Variants in TRIQK observed in about 807,000 individuals in gnomAD.
TRIQK encodes the protein triple QxxK/R motif-containing protein.
In TRIQK, 10 loss-of-function variants were observed where a neutral mutation model predicts 10.8. That is an observed-to-expected ratio of 0.92 (90% CI 0.57 to 1.57). The LOEUF (loss-of-function observed/expected upper bound fraction) is 1.57, where lower values mean the gene tolerates loss of function less well. Among genes scored for constraint, TRIQK ranks in the 40% most tolerant of loss-of-function variants. The pLI, the probability that TRIQK is intolerant of heterozygous loss-of-function variation, is 0.00. For synonymous variants in TRIQK, 33 were observed against 33.7 expected (o/e 0.98, Z 0.07); for missense variants, 107 against 97.7 (o/e 1.09, Z -0.40).
At chr8:92,949,823 AAAGAAAG>A (rs1447732460) in intron 2 of TRIQK, among the ~76,000 whole-genome samples, 1 of 135,080 alleles carries the variant, frequency 7.4e-6, no homozygotes, top group African/African-American at 2.9e-5. Flanking sequence ...AGAAAGAAAG[AAAGAAAG>A]AAAGAAAGAA....
At chr8:92,934,668 C>T (rs1235335673) in intron 2 of TRIQK, among the ~76,000 whole-genome samples, 1 of 151,748 alleles carries the variant, frequency 6.6e-6, no homozygotes, top group African/African-American at 2.4e-5. Flanking sequence ...TATCGAAGTC[C>T]CAGGTGATTA....
chr8:92,956,714 T>C (rs1052114631), intron 1 of TRIQK, among the ~76,000 whole-genome samples: 4 of 151,782 alleles, frequency 2.6e-5, no homozygotes, highest in African/African-American at 7.2e-5. Flanking sequence ...GGAAGCATAT[T>C]AATACTTCAT....
rs552400354 is a variant in TRIQK, at chr8:92,883,964, C to T, written c.*2658G>A. ...TCTAAACTTGCATGCAAAATAAGAACCAGCAAGCCTTCAAACTTCAATCAC... is the reference window on the plus strand; with the variant it reads ...TCTAAACTTGCATGCAAAATAAGAATCAGCAAGCCTTCAAACTTCAATCAC... On this transcript the variant is annotated 3_prime_UTR_variant, in exon 5 of 5. Coordinates refer to ENST00000521988, the MANE Select transcript of TRIQK (RefSeq NM_001171797.2). 1 of 151,816 alleles carries T rather than the reference C, an allele frequency of 6.6e-6. No individual in the cohort carries two copies. Among genetic ancestry groups the T allele is most frequent in the East Asian group, 1.9e-4 (1 of 5,138 alleles). 9.4% of individuals were successfully genotyped at this position (151,816 alleles called of 1,614,324 possible).
intron 1 of TRIQK, among the ~76,000 whole-genome samples, chr8:93,013,318 C>T (rs1813354797): frequency 6.6e-6 from 1 of 152,146 alleles, no homozygotes; most frequent in Non-Finnish European, 1.5e-5. Flanking sequence ...TTTTCTGTTT[C>T]TTTGTCTGTC....
At chr8:92,917,904 G>C (rs902244848) in intron 2 of TRIQK, among the ~76,000 whole-genome samples, 2 of 151,740 alleles carry the variant, frequency 1.3e-5, no homozygotes, top group African/African-American at 4.8e-5. Flanking sequence ...CCTGGCTCTG[G>C]TAGCCATTAT....
intron 1 of TRIQK, chr8:92,965,264 G>A (rs1812677115): frequency 6.6e-6 from 1 of 152,116 alleles, no homozygotes; most frequent in African/African-American, 2.4e-5. Context: ...ACAAGCAGCA[G>A]AGAACTCCAA....
chr8:93,007,611 C>CA (rs1411928465), intron 1 of TRIQK, among the ~76,000 whole-genome samples: 3 of 151,994 alleles, frequency 2.0e-5, no homozygotes, highest in African/African-American at 7.2e-5. Context: ...TAACCCAATG[C>CA]AAAAAAGCTA....
chr8:92,899,078 G>A (rs1808782765), intron 3 of TRIQK, among the ~76,000 whole-genome samples: 1 of 146,686 alleles, frequency 6.8e-6, no homozygotes, highest in Non-Finnish European at 1.5e-5. Flanking sequence ...TGTAACCTCT[G>A]ACTCCTCTGA....
chr8:92,927,225 G>A (rs1586438723), intron 2 of TRIQK, among the ~76,000 whole-genome samples: 1 of 152,142 alleles, frequency 6.6e-6, no homozygotes, highest in African/African-American at 2.4e-5. Context: ...ATAGGGAAGG[G>A]TAGTCTACTA....
In TRIQK at chr8:92,906,773, G is replaced by A. The variant is rs565881817; in HGVS notation, c.61+10156C>T. Among the ~76,000 whole-genome samples, 283 of 151,554 alleles carry A rather than the reference G, an allele frequency of 1.9e-3. 1 individual carries two copies. The highest frequency in any genetic ancestry group is 6.4e-3 in the African/African-American group (264 of 41,354). ...CCGGGCGTGGTGGCAGGCGCCTGTG[G>A]TCCCAGCTACTCAGGAGACTGAGGC... On this transcript the variant is annotated intron_variant, in intron 3 of 4. Coordinates refer to ENST00000521988, the MANE Select transcript of TRIQK (RefSeq NM_001171797.2).
chr8:92,916,014 A>G (rs1312979541), intron 3 of TRIQK, among the ~76,000 whole-genome samples: 2 of 151,972 alleles, frequency 1.3e-5, no homozygotes, highest in Non-Finnish European at 2.9e-5. Context: ...AGTTATTTAG[A>G]AGTGTTATTT....
intron 1 of TRIQK, among the ~76,000 whole-genome samples, chr8:92,955,197 G>C (rs1812107573): frequency 6.6e-6 from 1 of 151,596 alleles, no homozygotes; most frequent in South Asian, 2.1e-4. Context: ...TTCCAAACTG[G>C]GATCTAATAA....
rs1811914061 is a variant in TRIQK, at chr8:92,951,645, T to C, written c.-22+2761A>G. ...TCGACTAGCTTCTCACAGTAAATACTTGAGAAAAATCCCAGTGGGAGGGGA... is the reference window on the plus strand; with the variant it reads ...TCGACTAGCTTCTCACAGTAAATACCTGAGAAAAATCCCAGTGGGAGGGGA... On this transcript the variant is annotated intron_variant, in intron 2 of 4. Transcript: ENST00000521988. Among the ~76,000 whole-genome samples the C allele has an allele frequency of 2.0e-5, 3 of 152,100 alleles. No individual in the cohort carries two copies. The South Asian group carries it at 6.2e-4, about 32-fold the overall frequency.
chr8:92,934,789 G>A (rs1336094681), intron 2 of TRIQK, among the ~76,000 whole-genome samples: 2 of 151,762 alleles, frequency 1.3e-5, no homozygotes, highest in Admixed American at 6.6e-5. Flanking sequence ...AAATACCACC[G>A]AATTTTTCCA....
intron 1 of TRIQK, among the ~76,000 whole-genome samples, chr8:92,995,226 T>G (rs746998494): frequency 6.6e-6 from 1 of 152,110 alleles, no homozygotes; most frequent in Non-Finnish European, 1.5e-5. Flanking sequence ...TCTTATTATC[T>G]TAATGCCTGT....
At chr8:93,001,051 T>C (rs1166405042) in intron 1 of TRIQK, among the ~76,000 whole-genome samples, 1 of 152,288 alleles carries the variant, frequency 6.6e-6, no homozygotes, top group Non-Finnish European at 1.5e-5. Flanking sequence ...CTCATGCCTG[T>C]AATCCCAGCA....
chr8:92,991,491 T>A (rs1813096171), intron 1 of TRIQK, among the ~76,000 whole-genome samples: 1 of 152,102 alleles, frequency 6.6e-6, no homozygotes, highest in Admixed American at 6.5e-5. Flanking sequence ...GACTAGGTAT[T>A]AATGGAATGT....
intron 1 of TRIQK, among the ~76,000 whole-genome samples, chr8:92,963,002 A>G (rs181890922): frequency 8.3e-4 from 126 of 152,318 alleles, no homozygotes; most frequent in African/African-American, 3.0e-3. Context: ...GGCAGGCGCC[A>G]CATGTCTGTT....
At position 92,948,998 on chromosome 8, in the gene TRIQK, C is replaced by T. The variant is rs577446975; in HGVS notation, c.-22+5408G>A. Among the ~76,000 whole-genome samples the T allele has an allele frequency of 7.6e-4, 115 of 152,270 alleles. 1 individual carries two copies. Among genetic ancestry groups the T allele is most frequent in the African/African-American group, 2.3e-3 (97 of 41,558 alleles). ...GCCAAAGGTGGCCAACTGTTCAAAC[C>T]AGGCTCAAATGAGGCAAACACCAAG... is the stretch of plus-strand genomic sequence containing the variant. On this transcript the variant is annotated intron_variant, in intron 2 of 4. Coordinates refer to ENST00000521988, the MANE Select transcript of TRIQK (RefSeq NM_001171797.2).
Sources: allele counts gnomAD v4.1 joint callset (sites outside exome capture counted in the v4.1 genomes callset), GRCh38; gene constraint gnomAD v4.1.1; transcripts MANE v1.5; gene names NCBI Gene and HGNC (gene_info 2026-07-23, HGNC 2026-07-21).